Variants in SLCO1B3 observed in about 807,000 individuals in gnomAD.
SLCO1B3 encodes liver-specific organic anion transporter 2.
SLCO1B3 carries 72 observed loss-of-function variants against 71.8 expected under a neutral mutation model. The observed-to-expected ratio is 1.00, with a 90% CI of 0.83 to 1.22. SLCO1B3 has a LOEUF of 1.22. Ranked by LOEUF, SLCO1B3 falls within the 50% of genes most tolerant of loss-of-function variation. SLCO1B3 has a pLI of 0.00. For synonymous variants in SLCO1B3, 298 were observed against 278.4 expected, an observed-to-expected ratio of 1.07 and a Z score of -0.70; for missense variants, 911 against 819.7, an observed-to-expected ratio of 1.11 and a Z score of -1.36.
Position 20,880,961 on chromosome 12 carries a change from A to T in SLCO1B3, c.1438A>T (p.Thr480Ser), listed in dbSNP as rs1865682438. 2 of 1,612,740 alleles carry T rather than the reference A, an allele frequency of 1.2e-6. No homozygotes were observed. Among genetic ancestry groups the T allele is most frequent in the Non-Finnish European group, 1.7e-6 (2 of 1,178,916 alleles). ...ACCAGTCTGTGGGAACAATGGAATA[A>T]CTTACCTGTCACCTTGTCTAGCAGG... ...WEPVCGNNGITYLSPCLAGCK... is the reference protein window; with the variant it reads ...WEPVCGNNGISYLSPCLAGCK... The change falls in exon 12 of 16, where the codon ACT becomes TCT. Residue 480 changes from threonine to serine, a missense_variant. Physicochemically the swap from Thr to Ser is moderately conservative, Grantham distance 58. Transcript: ENST00000381545.
chr12:20,908,976 G>A (rs569283909), intron 15 of SLCO1B3, among the ~76,000 whole-genome samples: 1 of 152,224 alleles, frequency 6.6e-6, no homozygotes, highest in South Asian at 2.1e-4. Context: ...GGCTTCAAAA[G>A]TGGCTGTATC....
At chr12:20,897,033 A>G (rs2417887) in intron 13 of SLCO1B3, among the ~76,000 whole-genome samples, 107,110 of 151,934 alleles carry the variant, frequency 0.7, 39,986 homozygotes, top group South Asian at 0.89. Flanking sequence ...CTATGATTCA[A>G]TTATCTCCCA....
intron 15 of SLCO1B3, among the ~76,000 whole-genome samples, chr12:20,913,436 T>C (rs1276946196): frequency 6.6e-6 from 1 of 152,208 alleles, no homozygotes; most frequent in Non-Finnish European, 1.5e-5. Flanking sequence ...TCTATCATTT[T>C]CTCCTCACAT....
rs1409383068 is a variant in SLCO1B3 at position 20,877,914 on chromosome 12, A to C, written c.1113A>C (p.Ala371=). ...KYMEQQYGQS[A]SHANFLLGII... ...TGGAGCAACAGTACGGTCAGTCTGCATCTCATGCTAACTTTTTGTTGGGTA... is the reference window on the plus strand; with the variant it reads ...TGGAGCAACAGTACGGTCAGTCTGCCTCTCATGCTAACTTTTTGTTGGGTA... Residue 371 remains alanine (A), a synonymous_variant, in exon 10 of 16, where the codon GCA becomes GCC. Coordinates refer to ENST00000381545, the MANE Select transcript of SLCO1B3 (RefSeq NM_019844.4). 6.3e-7 allele frequency: 1 copy of C among 1,591,034 alleles called. No individual in the cohort carries two copies. The highest frequency in any genetic ancestry group is 8.5e-7 in the Non-Finnish European group (1 of 1,171,282).
intron 12 of SLCO1B3, 71 bp downstream of exon 12, chr12:20,881,091 C>A: frequency 1.8e-6 from 2 of 1,134,360 alleles, no homozygotes; most frequent in Non-Finnish European, 1.3e-6. Context: ...AAATACTTAT[C>A]AAATCTTCCT....
intron 3 of SLCO1B3, among the ~76,000 whole-genome samples, chr12:20,837,477 TG>T (rs1164162237): frequency 3.3e-5 from 5 of 152,170 alleles, no homozygotes; most frequent in Non-Finnish European, 5.9e-5. Flanking sequence ...CTCTAAGCAT[TG>T]CTTTTGCTAC....
chr12:20,842,749 A>G (rs1284897088), intron 3 of SLCO1B3, among the ~76,000 whole-genome samples: 1 of 152,140 alleles, frequency 6.6e-6, no homozygotes, highest in African/African-American at 2.4e-5. Flanking sequence ...GTTTTCTTAT[A>G]CTTTTTGAAT....
At chr12:20,814,299 T>C (rs1373909847) in intron 2 of SLCO1B3, among the ~76,000 whole-genome samples, 1 of 152,168 alleles carries the variant, frequency 6.6e-6, no homozygotes, top group Non-Finnish European at 1.5e-5. Flanking sequence ...TGATTTCTCA[T>C]ATACTTTGAC....
intron 8 of SLCO1B3, among the ~76,000 whole-genome samples, chr12:20,865,714 T>C (rs891150763): frequency 2.6e-5 from 4 of 152,074 alleles, no homozygotes; most frequent in African/African-American, 9.7e-5. Context: ...AGTTATATTG[T>C]GAATACATAA....
At chr12:20,830,458 G>A (rs1864516630) in intron 3 of SLCO1B3, among the ~76,000 whole-genome samples, 1 of 152,118 alleles carries the variant, frequency 6.6e-6, no homozygotes, top group African/African-American at 2.4e-5. Flanking sequence ...AGAAAAATGA[G>A]CAGGTAGGTA....
intron 3 of SLCO1B3, among the ~76,000 whole-genome samples, chr12:20,833,611 G>A (rs1390103561): frequency 6.8e-6 from 1 of 147,462 alleles, no homozygotes; most frequent in Non-Finnish European, 1.5e-5. Context: ...ACTATATATA[G>A]TATATAAAAT....
At chr12:20,896,943 T>C (rs1866019654) in intron 13 of SLCO1B3, among the ~76,000 whole-genome samples, 1 of 152,194 alleles carries the variant, frequency 6.6e-6, no homozygotes, top group Admixed American at 6.6e-5. Context: ...GGAGAGTTTG[T>C]GCAGGAAAAC....
At chr12:20,855,470 C>T (rs1362605447) in intron 4 of SLCO1B3, among the ~76,000 whole-genome samples, 1 of 152,034 alleles carries the variant, frequency 6.6e-6, no homozygotes, top group Admixed American at 6.6e-5. Context: ...AACTCTGGTC[C>T]TACACAAACT....
intron 13 of SLCO1B3, among the ~76,000 whole-genome samples, chr12:20,892,156 C>T (rs1037376196): frequency 1.3e-5 from 2 of 152,028 alleles, no homozygotes; most frequent in African/African-American, 4.8e-5. Flanking sequence ...AATTCTTTCT[C>T]TGGTTCTTTC....
intron 14 of SLCO1B3, among the ~76,000 whole-genome samples, chr12:20,899,634 T>C (rs1393399974): frequency 6.6e-6 from 1 of 152,204 alleles, no homozygotes; most frequent in East Asian, 1.9e-4. Context: ...TTCCAGCCTC[T>C]GTAATCTTAG....
intron 4 of SLCO1B3, 146 bp downstream of exon 4, chr12:20,855,315 G>A: frequency 1.4e-6 from 1 of 701,184 alleles, no homozygotes; most frequent in Non-Finnish European, 2.3e-6. Flanking sequence ...TATTTTTGTT[G>A]CTATAAATGG....
rs531539316 is a variant in SLCO1B3, at chr12:20,899,455, A to C, written c.1747+955A>C. Among the ~76,000 whole-genome samples the C allele has an allele frequency of 2.0e-4, 30 of 152,222 alleles. No homozygotes were observed. In the South Asian group the frequency reaches 6.2e-3, roughly 32 times the overall value. On this transcript the variant is annotated intron_variant, in intron 14 of 15. Transcript: ENST00000381545. ...CCTTGCAAGGAAAGGAAAAAGTATAACTCTATGGCCAAATTACCGTGAAGA... is the reference window on the plus strand; with the variant it reads ...CCTTGCAAGGAAAGGAAAAAGTATACCTCTATGGCCAAATTACCGTGAAGA...
chr12:20,861,188 T>A (rs754503563), intron 6 of SLCO1B3, 50 bp downstream of exon 6: 2 of 1,472,148 alleles, frequency 1.4e-6, no homozygotes, highest in South Asian at 1.3e-5. Flanking sequence ...ATAGATTTAA[T>A]CACGTCTATA....
At chr12:20,820,638 A>T (rs1346946752) in intron 3 of SLCO1B3, among the ~76,000 whole-genome samples, 2 of 152,098 alleles carry the variant, frequency 1.3e-5, no homozygotes, top group African/African-American at 4.8e-5. Context: ...AAGTCCTGTT[A>T]TGGGGTTTGA....
Sources: allele counts gnomAD v4.1 joint callset (sites outside exome capture counted in the v4.1 genomes callset), GRCh38; gene constraint gnomAD v4.1.1; transcripts MANE v1.5; gene names NCBI Gene and HGNC (gene_info 2026-07-23, HGNC 2026-07-21).